The following CTNND2 variants were observed in gnomAD, a reference collection of about 807,000 sequenced individuals.
CTNND2 encodes the protein catenin delta-2.
CTNND2 carries 22 observed loss-of-function variants against 144.4 expected under a neutral mutation model. The observed-to-expected ratio is 0.15, with a 90% CI of 0.11 to 0.22. The LOEUF (loss-of-function observed/expected upper bound fraction) is 0.22, where lower values mean the gene tolerates loss of function less well. Among genes scored for constraint, CTNND2 ranks in the 10% least tolerant of loss-of-function variants. The pLI is 1.00. For missense variants in CTNND2, 1,353 were observed against 1,618.8 expected (o/e 0.84, Z 2.82); for synonymous variants, 751 against 695.6 (o/e 1.08, Z -1.25).
intron 3 of CTNND2, among the ~76,000 whole-genome samples, chr5:11,445,829 T>A (rs1764749054): frequency 6.6e-6 from 1 of 152,340 alleles, no homozygotes; most frequent in South Asian, 2.1e-4. Flanking sequence ...TGGAAACCAA[T>A]TTTCTAAAGT....
At chr5:11,817,992 T>TG (rs895329176) in intron 1 of CTNND2, among the ~76,000 whole-genome samples, 25 of 63,740 alleles carry the variant, frequency 3.9e-4, no homozygotes, top group Admixed American at 1.4e-3. Flanking sequence ...TTTTTTTTTT[T>TG]TTTTTTTTTT....
At chr5:11,681,446 T>C (rs1362992339) in intron 2 of CTNND2, among the ~76,000 whole-genome samples, 1 of 152,220 alleles carries the variant, frequency 6.6e-6, no homozygotes, top group Non-Finnish European at 1.5e-5. Context: ...GTTCCCTTTC[T>C]CTTTCTTGGT....
chr5:11,768,267 A>AGTTTTGTTTTGTTTTGTTTTGTTTT (rs60666239), intron 1 of CTNND2, among the ~76,000 whole-genome samples: 50 of 148,840 alleles, frequency 3.4e-4, no homozygotes, highest in African/African-American at 1.2e-3. Context: ...CCCACTCAGG[A>AGTTTTGTTTTGTTTTGTTTTGTTTT]GTTTTGTTTT....
At chr5:11,415,890 T>C (rs1020221207) in intron 3 of CTNND2, among the ~76,000 whole-genome samples, 1 of 152,092 alleles carries the variant, frequency 6.6e-6, no homozygotes, top group East Asian at 1.9e-4. Context: ...GCTTTCTCTC[T>C]CTCTTAAGCC....
At chr5:11,626,404 A>G (rs1781156908) in intron 2 of CTNND2, among the ~76,000 whole-genome samples, 1 of 152,236 alleles carries the variant, frequency 6.6e-6, no homozygotes, top group South Asian at 2.1e-4. Flanking sequence ...AACCTAAAAC[A>G]TAAACTTGCA....
At chr5:11,268,936 T>G (rs559793688) in intron 9 of CTNND2, among the ~76,000 whole-genome samples, 1 of 152,234 alleles carries the variant, frequency 6.6e-6, no homozygotes, top group Admixed American at 6.5e-5. Context: ...TCTGAAGAGA[T>G]AGGGAATGTT....
chr5:11,092,195 A>G (rs948330595), intron 15 of CTNND2, among the ~76,000 whole-genome samples: 4 of 152,160 alleles, frequency 2.6e-5, no homozygotes, highest in Admixed American at 6.5e-5. Context: ...AAAAAACCCC[A>G]ATGTTTCACA....
intron 2 of CTNND2, among the ~76,000 whole-genome samples, chr5:11,652,803 G>A (rs941851122): frequency 6.6e-6 from 1 of 152,118 alleles, no homozygotes; most frequent in Non-Finnish European, 1.5e-5. Flanking sequence ...TTACCATGCT[G>A]TACATTTAAT....
At chr5:11,523,327 A>T (rs1561511183) in intron 3 of CTNND2, among the ~76,000 whole-genome samples, 1 of 152,162 alleles carries the variant, frequency 6.6e-6, no homozygotes, top group Non-Finnish European at 1.5e-5. Context: ...CTACACTTTT[A>T]AAAACTTCAT....
intron 3 of CTNND2, among the ~76,000 whole-genome samples, chr5:11,463,959 AGT>A (rs1766444806): frequency 6.6e-6 from 1 of 152,204 alleles, no homozygotes; most frequent in South Asian, 2.1e-4. Flanking sequence ...AGCCAAAATA[AGT>A]GTTAGTTTCA....
At chr5:11,548,705 G>A (rs12651704) in intron 3 of CTNND2, among the ~76,000 whole-genome samples, 4,777 of 152,208 alleles carry the variant, frequency 0.031, 224 homozygotes, top group East Asian at 0.23. Context: ...TAAATCTTCC[G>A]TGTAAAGTGA....
At chr5:11,025,487 G>T (rs1257960106) in intron 16 of CTNND2, among the ~76,000 whole-genome samples, 1 of 152,190 alleles carries the variant, frequency 6.6e-6, no homozygotes, top group Non-Finnish European at 1.5e-5. Flanking sequence ...TATAACAGTA[G>T]TTCAGGGAAG....
chr5:11,847,128 TTATATATATATATATATATATATATA>T (rs56978156), intron 1 of CTNND2, among the ~76,000 whole-genome samples: 59 of 72,410 alleles, frequency 8.1e-4, no homozygotes, highest in Middle Eastern at 7.9e-3. Flanking sequence ...GTCAAAGATT[TTATATATATATATATATATATATATA>T]TATATATATA....
intron 11 of CTNND2, among the ~76,000 whole-genome samples, chr5:11,189,416 G>T (rs565315817): frequency 1.2e-3 from 190 of 152,144 alleles, no homozygotes; most frequent in Middle Eastern, 3.4e-3. Flanking sequence ...TGCCACCCCT[G>T]AGACAGCAAG....
chr5:11,901,653 T>C (rs1421728043), intron 1 of CTNND2, among the ~76,000 whole-genome samples: 1 of 152,220 alleles, frequency 6.6e-6, no homozygotes, highest in Non-Finnish European at 1.5e-5. Flanking sequence ...TCCGCAAGAC[T>C]ATGACAATTT....
chr5:11,227,964 C>T (rs1014348905), intron 10 of CTNND2, among the ~76,000 whole-genome samples: 3 of 152,066 alleles, frequency 2.0e-5, no homozygotes, highest in Non-Finnish European at 2.9e-5. Context: ...AGGCTGTTTT[C>T]CCTGACTCCA....
At chr5:11,067,475 G>T (rs1385994618) in intron 16 of CTNND2, among the ~76,000 whole-genome samples, 1 of 152,222 alleles carries the variant, frequency 6.6e-6, no homozygotes, top group Non-Finnish European at 1.5e-5. Context: ...AAGCGCAAGA[G>T]GGAATAACCA....
intron 1 of CTNND2, among the ~76,000 whole-genome samples, chr5:11,896,687 C>T (rs73743314): frequency 1.3e-5 from 2 of 151,962 alleles, no homozygotes; most frequent in African/African-American, 4.8e-5. Flanking sequence ...ATATAAAGAA[C>T]AAAACTCTTG....
At chr5:11,058,179 T>C (rs10071282) in intron 16 of CTNND2, among the ~76,000 whole-genome samples, 6,362 of 152,250 alleles carry the variant, frequency 0.042, 473 homozygotes, top group African/African-American at 0.15. Context: ...AATGAGGAGC[T>C]GAATGTTAAT....
Sources: gnomAD v4.1 joint callset for allele counts (sites outside exome capture counted in the v4.1 genomes callset) on GRCh38, gnomAD v4.1.1 for gene constraint, MANE v1.5 for transcripts, NCBI Gene and HGNC (gene_info 2026-07-23, HGNC 2026-07-21) for gene names.